Variants in GTF3C1 observed in about 807,000 individuals in gnomAD.
GTF3C1 encodes general transcription factor IIIC subunit 1.
A neutral mutation model predicts 226.7 loss-of-function variants in GTF3C1; 57 were observed. The observed-to-expected ratio is 0.25, with a 90% confidence interval of 0.20 to 0.31. The LOEUF (loss-of-function observed/expected upper bound fraction) is 0.31. Ranked by LOEUF, GTF3C1 falls within the 10% of genes least tolerant of loss-of-function variation. GTF3C1 has a pLI of 1.00. For missense variants in GTF3C1, 2,217 were observed against 2,776.1 expected (o/e 0.80, Z 4.53); for synonymous variants, 1,090 against 1,084.8 (o/e 1.00, Z -0.09).
chr16:27,526,944 G>A lies in GTF3C1; in HGVS notation c.973+1654C>T, dbSNP rs182370043. On this transcript the variant is annotated intron_variant, in intron 6 of 36. Transcript: ENST00000356183. ...AAAATAACTGGACTTGGTGGCTCAC[G>A]CCTATAATCCCAGCACTTTGGGAGG... Among the ~76,000 whole-genome samples the A allele has an allele frequency of 2.6e-5, 4 of 152,344 alleles. No homozygotes were observed. In the East Asian group the frequency reaches 5.8e-4, roughly 22 times the overall value.
intron 28 of GTF3C1, 110 bp from the exon 29 acceptor site, chr16:27,476,654 C>T (rs150121096): frequency 9.6e-5 from 64 of 666,262 alleles, no homozygotes; most frequent in African/African-American, 7.5e-4. Context: ...GACACAAATG[C>T]CAAAACTATT....
rs528581630 is a variant in GTF3C1 at position 27,505,517 on chromosome 16, T to C, written c.1770+382A>G. ...TCCAGATATTGCGAAATGTCTCCTA[T>C]GGGTAAATGCCAATCCTGACTCCAT... On this transcript the variant is annotated intron_variant, in intron 10 of 36. Coordinates refer to ENST00000356183, the MANE Select transcript of GTF3C1 (RefSeq NM_001520.4). Among the ~76,000 whole-genome samples, 4 of 152,326 alleles carry C rather than the reference T, an allele frequency of 2.6e-5. No homozygotes were observed. The East Asian group carries it at 5.8e-4, about 22-fold the overall frequency.
intron 29 of GTF3C1, among the ~76,000 whole-genome samples, chr16:27,476,099 G>A (rs2087946349): frequency 6.6e-6 from 1 of 152,160 alleles, no homozygotes; most frequent in East Asian, 1.9e-4. Context: ...TGACAATCTG[G>A]TGCTGTACAC....
intron 5 of GTF3C1, among the ~76,000 whole-genome samples, chr16:27,529,230 G>C (rs1353094779): frequency 6.6e-6 from 1 of 152,108 alleles, no homozygotes; most frequent in Non-Finnish European, 1.5e-5. Context: ...GGTCACTTAA[G>C]GCCAGGAGTT....
At position 27,462,561 on chromosome 16, in the gene GTF3C1, CA is replaced by C; in HGVS notation, c.5925-76del. The C allele has an allele frequency of 1.7e-6, 2 of 1,152,996 alleles. No individual in the cohort carries two copies. Among genetic ancestry groups the C allele is most frequent in the Non-Finnish European group, 2.5e-6 (2 of 785,838 alleles). 71.4% of individuals were successfully genotyped at this position (1,152,996 alleles called of 1,614,324 possible). On this transcript the variant is annotated intron_variant, in intron 35 of 36. Transcript: ENST00000356183. The surrounding 1 kb of genome is among the most constrained non-coding windows in gnomAD (Gnocchi z 4.5). ...CTCGTCCAGACAGAACACTGAGGCT[CA>C]GGGGCGTCCTAGGCCTGGCCCAGGT...
chr16:27,532,755 T>G (rs758057191), intron 5 of GTF3C1, among the ~76,000 whole-genome samples: 25 of 152,182 alleles, frequency 1.6e-4, no homozygotes, highest in Non-Finnish European at 7.3e-5. Flanking sequence ...GTCTGAACTT[T>G]GATAATAGGT....
chr16:27,518,784 T>C (rs2088701503), intron 6 of GTF3C1, among the ~76,000 whole-genome samples: 1 of 152,236 alleles, frequency 6.6e-6, no homozygotes, highest in East Asian at 1.9e-4. Context: ...GTTTGAATTC[T>C]GGCTCAGCCA....
chr16:27,464,379 G>A lies in GTF3C1; in HGVS notation c.5813C>T (p.Pro1938Leu). The change falls in exon 34 of 37, where the codon CCA becomes CTA. Residue 1938 changes from proline to leucine, a missense_variant. Transcript: ENST00000356183. The stretch of plus-strand genomic sequence containing the variant: ...CTGGCCGCTCAGCTGCTCTTGGCCT[G>A]GGGAACTGAACTCACCGACACCCTC... The part of the protein sequence containing the change: ...DQEGVGEFSS[P>L]GQEQLSGQAQ... The A allele has an allele frequency of 6.3e-7, 1 of 1,580,888 alleles. No individual in the cohort carries two copies. Among genetic ancestry groups the A allele is most frequent in the Non-Finnish European group, 8.6e-7 (1 of 1,165,458 alleles).
At chr16:27,549,353 T>C (rs1197074345) in intron 1 of GTF3C1, among the ~76,000 whole-genome samples, 1 of 152,172 alleles carries the variant, frequency 6.6e-6, no homozygotes, top group African/African-American at 2.4e-5. Context: ...GCTCTAATCC[T>C]ATCCTCCAAT....
chr16:27,501,927 AC>A (rs1184856715), intron 11 of GTF3C1, among the ~76,000 whole-genome samples: 1 of 151,982 alleles, frequency 6.6e-6, no homozygotes, highest in African/African-American at 2.4e-5. Flanking sequence ...ACATGGTGAA[AC>A]CCCGTCTCTA....
In GTF3C1 at chr16:27,493,623, C is replaced by T. The variant is rs537501699; in HGVS notation, c.2779-327G>A. On this transcript the variant is annotated intron_variant, in intron 16 of 36. Coordinates refer to ENST00000356183, the MANE Select transcript of GTF3C1 (RefSeq NM_001520.4). ...ACAAGAAAAGATGAGATAGAGAACA[C>T]GCGTTCCTTTTGAAGCCAGTGATTC... 8.2e-4 allele frequency among the ~76,000 whole-genome samples: 125 copies of T among 152,266 alleles called. 1 individual carries two copies. The highest frequency in any genetic ancestry group is 1.3e-3 in the Admixed American group (20 of 15,294).
chr16:27,471,451 A>C lies in GTF3C1; in HGVS notation c.4526+297T>G, dbSNP rs1443097595. The C allele has an allele frequency of 5.8e-6, 2 of 345,020 alleles. No homozygotes were observed. The highest frequency in any genetic ancestry group is 1.1e-5 in the Non-Finnish European group (2 of 183,818). The allele number at this position is 345,020 out of a possible 1,614,324, so 21.4% of individuals were successfully genotyped here. The stretch of plus-strand genomic sequence containing the variant: ...TGCTGGAACAGGAGGGTGGACTTCC[A>C]GCCAGGCCAATTATTAAATGCAAAC... On this transcript the variant is annotated intron_variant, in intron 30 of 36. Coordinates refer to ENST00000356183, the MANE Select transcript of GTF3C1 (RefSeq NM_001520.4). This position sits in a 1 kb window ranked among gnomAD's most constrained non-coding sequence, Gnocchi z 5.0.
At chr16:27,512,080 A>G (rs1345014103) in intron 6 of GTF3C1, among the ~76,000 whole-genome samples, 179 bp from the exon 7 acceptor site, 1 of 152,322 alleles carries the variant, frequency 6.6e-6, no homozygotes, top group African/African-American at 2.4e-5. Context: ...AGACCTGAAA[A>G]TGTATTCCAT....
chr16:27,497,872 G>A (rs750263684), intron 13 of GTF3C1, 51 bp from the exon 14 acceptor site: 9 of 1,450,666 alleles, frequency 6.2e-6, no homozygotes, highest in East Asian at 4.6e-5. Flanking sequence ...CAAGGGCTAA[G>A]AGAAAGGACA....
intron 6 of GTF3C1, among the ~76,000 whole-genome samples, chr16:27,518,694 C>T (rs1248323266): frequency 6.6e-6 from 1 of 152,148 alleles, no homozygotes; most frequent in East Asian, 1.9e-4. Flanking sequence ...AGGCTTCCTG[C>T]CCCTACAAAA....
chr16:27,545,103 A>T (rs527897961), intron 2 of GTF3C1, among the ~76,000 whole-genome samples: 1 of 151,944 alleles, frequency 6.6e-6, no homozygotes, highest in South Asian at 2.1e-4. Flanking sequence ...CAGCCACTAC[A>T]GTAGCTGGGA....
Position 27,478,550 on chromosome 16 carries a change from A to G in GTF3C1, c.4197-19T>C, listed in dbSNP as rs754069392. The G allele has an allele frequency of 1.9e-6, 3 of 1,586,874 alleles. No individual in the cohort carries two copies. The highest frequency in any genetic ancestry group is 3.3e-5 in the Admixed American group (2 of 60,008). ...TCGGTACCTGCAAAAGAAACATAAC[A>G]GCATGTCAGTGAAACAAAACAGCTC... On this transcript the variant is annotated intron_variant, in intron 27 of 36. Transcript: ENST00000356183.
chr16:27,535,189 T>C (rs1276212587), intron 4 of GTF3C1, among the ~76,000 whole-genome samples: 3 of 152,234 alleles, frequency 2.0e-5, no homozygotes, highest in Non-Finnish European at 4.4e-5. Context: ...AAATTAACTG[T>C]AATACACAGT....
chr16:27,487,379 A>C (rs1013309115), intron 23 of GTF3C1, among the ~76,000 whole-genome samples: 4 of 152,250 alleles, frequency 2.6e-5, no homozygotes, highest in Admixed American at 2.6e-4. Flanking sequence ...AGGCAATATG[A>C]AAGTGGTCTA....
Sources: allele counts gnomAD v4.1 joint callset (sites outside exome capture counted in the v4.1 genomes callset), GRCh38; gene constraint gnomAD v4.1.1; non-coding constraint Gnocchi (gnomAD v3.1); transcripts MANE v1.5; gene names NCBI Gene and HGNC (gene_info 2026-07-23, HGNC 2026-07-21).